Variants in SV2C observed in about 807,000 individuals in gnomAD.
SV2C encodes solute carrier family 22 member B3.
Under a neutral mutation model 79.7 loss-of-function variants are expected in SV2C, and 49 were observed. That is an observed-to-expected ratio of 0.61 (90% CI 0.49 to 0.78). SV2C has a LOEUF of 0.78. SV2C is among the 30% of genes least tolerant of loss of function. SV2C has a pLI of 0.00. For synonymous variants in SV2C, 334 were observed against 333.2 expected (o/e 1.00, Z -0.03); for missense variants, 833 against 912.9 (o/e 0.91, Z 1.13).
intron 2 of SV2C, among the ~76,000 whole-genome samples, chr5:76,169,647 C>T (rs1743153182): frequency 6.6e-6 from 1 of 152,222 alleles, no homozygotes; most frequent in South Asian, 2.1e-4. Flanking sequence ...GACTGGCATT[C>T]ATAATGCCCT....
chr5:76,077,155 A>G, the SV2C span, among the ~76,000 whole-genome samples: 2 of 152,216 alleles, frequency 1.3e-5, no homozygotes, highest in Admixed American at 6.5e-5. Context: ...TAATTAAACG[A>G]CACATATGTA....
At chr5:76,049,910 C>G in the SV2C span, among the ~76,000 whole-genome samples, 25 of 152,196 alleles carry the variant, frequency 1.6e-4, no homozygotes, top group Non-Finnish European at 8.8e-5. Flanking sequence ...CTCAGTAAAA[C>G]AGTACATCAT....
At chr5:75,983,039 A>T in the SV2C span, among the ~76,000 whole-genome samples, 1 of 152,180 alleles carries the variant, frequency 6.6e-6, no homozygotes, top group African/African-American at 2.4e-5. Flanking sequence ...TATTTGGGTG[A>T]TGAAATAATC....
chr5:75,940,095 C>A, the SV2C span, among the ~76,000 whole-genome samples: 1 of 152,180 alleles, frequency 6.6e-6, no homozygotes, highest in Admixed American at 6.5e-5. Flanking sequence ...GCTTTTTAAT[C>A]CGTGTAATTC....
rs202146920 is a variant in SV2C, at chr5:76,246,002, G to A, written c.913+36115G>A. 2.6e-5 allele frequency among the ~76,000 whole-genome samples: 4 copies of A among 151,220 alleles called. No individual in the cohort carries two copies. In the East Asian group the frequency reaches 7.8e-4, roughly 29 times the overall value. On this transcript the variant is annotated intron_variant, in intron 4 of 12. Coordinates refer to ENST00000502798, the MANE Select transcript of SV2C (RefSeq NM_014979.4). ...CAGGATATAGAAGGTTTTTTTTCCA[G>A]CATATAGAGATTATGGTTGGGGGAT...
At chr5:76,149,666 CT>C (rs539924480) in intron 2 of SV2C, among the ~76,000 whole-genome samples, 36 of 151,060 alleles carry the variant, frequency 2.4e-4, no homozygotes, top group African/African-American at 7.3e-4. Context: ...TTTTAGGAAA[CT>C]TTTTTTTTTC....
chr5:75,900,449 G>T, the SV2C span, among the ~76,000 whole-genome samples: 1 of 152,178 alleles, frequency 6.6e-6, no homozygotes. Context: ...AGTCTGATGG[G>T]CTTCCCTTTG....
Position 76,332,209 on chromosome 5 carries a change from G to A in SV2C, c.*6662G>A, listed in dbSNP as rs1337472740. 6.6e-6 allele frequency: 1 copy of A among 152,222 alleles called. No homozygotes were observed. The highest frequency in any genetic ancestry group is 1.5e-5 in the Non-Finnish European group (1 of 68,054). 9.4% of individuals were successfully genotyped at this position (152,222 alleles called of 1,614,324 possible). ...GATCCAAGAGTGCCCAGGACTAGGAGCAGAAAGCAGTTTTCAACCCTTTGT... is the reference window on the plus strand; with the variant it reads ...GATCCAAGAGTGCCCAGGACTAGGAACAGAAAGCAGTTTTCAACCCTTTGT... On this transcript the variant is annotated 3_prime_UTR_variant, in exon 13 of 13. Coordinates refer to ENST00000502798, the MANE Select transcript of SV2C (RefSeq NM_014979.4).
intron 3 of SV2C, among the ~76,000 whole-genome samples, chr5:76,207,829 C>A (rs1174882924): frequency 6.6e-6 from 1 of 152,156 alleles, no homozygotes; most frequent in African/African-American, 2.4e-5. Flanking sequence ...ATTTTACTAT[C>A]TGCATTCCAT....
chr5:76,240,223 T>C (rs1331484247), intron 4 of SV2C, among the ~76,000 whole-genome samples: 1 of 152,202 alleles, frequency 6.6e-6, no homozygotes, highest in Non-Finnish European at 1.5e-5. Context: ...CAAGGGAGAC[T>C]GCATTCCCAC....
rs577516773 is a variant in SV2C at position 76,273,114 on chromosome 5, TA to T, written c.914-12047del. Among the ~76,000 whole-genome samples, 384 of 149,054 alleles carry T rather than the reference TA, an allele frequency of 2.6e-3. 4 individuals are homozygous for T. Among genetic ancestry groups the T allele is most frequent in the Non-Finnish European group, 2.7e-3 (185 of 67,422 alleles). On this transcript the variant is annotated intron_variant, in intron 4 of 12. Coordinates refer to ENST00000502798, the MANE Select transcript of SV2C (RefSeq NM_014979.4). The stretch of plus-strand genomic sequence containing the variant: ...TTGACTATCCTACAGGCTCTTTTAG[TA>T]TAAATTTGCATAAAAATCTTTTACA...
the SV2C span, among the ~76,000 whole-genome samples, chr5:75,998,344 TAATA>T: frequency 3.5e-5 from 4 of 115,682 alleles, no homozygotes; most frequent in African/African-American, 6.1e-5. Context: ...AGTATGATAA[TAATA>T]AAAAAAAAGT....
intron 4 of SV2C, among the ~76,000 whole-genome samples, chr5:76,270,657 A>C (rs1182612951): frequency 6.6e-6 from 1 of 152,164 alleles, no homozygotes; most frequent in Non-Finnish European, 1.5e-5. Flanking sequence ...TTGGGGCAGG[A>C]TGTATATTGT....
chr5:76,124,989 C>CA (rs1385658499), intron 1 of SV2C, among the ~76,000 whole-genome samples: 1 of 152,146 alleles, frequency 6.6e-6, no homozygotes, highest in Non-Finnish European at 1.5e-5. Context: ...TATATGCAAA[C>CA]AGGTTTGCCA....
chr5:76,104,996 A>C (rs530553304), intron 1 of SV2C, among the ~76,000 whole-genome samples: 1 of 152,208 alleles, frequency 6.6e-6, no homozygotes, highest in South Asian at 2.1e-4. Flanking sequence ...CCAAAAAGTC[A>C]TGTTCTCCCA....
chr5:76,313,371 G>A (rs1210924741), intron 12 of SV2C, among the ~76,000 whole-genome samples: 1 of 152,036 alleles, frequency 6.6e-6, no homozygotes, highest in Non-Finnish European at 1.5e-5. Flanking sequence ...ATATGTTTAT[G>A]CTTTGGCTAT....
chr5:75,902,349 A>G, the SV2C span, among the ~76,000 whole-genome samples: 1 of 152,186 alleles, frequency 6.6e-6, no homozygotes, highest in Non-Finnish European at 1.5e-5. Context: ...CCCTGTGTGC[A>G]AGAAATTCAG....
chr5:76,255,334 A>T (rs955270766), intron 4 of SV2C, among the ~76,000 whole-genome samples: 5 of 152,190 alleles, frequency 3.3e-5, no homozygotes, highest in African/African-American at 1.2e-4. Context: ...TCTGGTTATA[A>T]TGATAGCACG....
At chr5:76,170,894 TCG>T in intron 2 of SV2C, 1 of 403,894 alleles carries the variant, frequency 2.5e-6, no homozygotes, top group Non-Finnish European at 3.5e-6. Flanking sequence ...GCCGGGACAG[TCG>T]CGGCGCTGAC....
Sources: gnomAD v4.1 joint callset for allele counts (sites outside exome capture counted in the v4.1 genomes callset) on GRCh38, gnomAD v4.1.1 for gene constraint, MANE v1.5 for transcripts, NCBI Gene and HGNC (gene_info 2026-07-23, HGNC 2026-07-21) for gene names.